The following ZBTB41 variants were observed in gnomAD, a reference collection of about 807,000 sequenced individuals.
The protein encoded by ZBTB41 is zinc finger and BTB domain-containing protein 41.
Under a neutral mutation model 87.6 loss-of-function variants are expected in ZBTB41, and 42 were observed. The ratio of observed to expected loss-of-function variants is 0.48; its 90% CI spans 0.37 to 0.62. The LOEUF (loss-of-function observed/expected upper bound fraction) is 0.62. ZBTB41 is among the 20% of genes least tolerant of loss of function. ZBTB41 has a pLI of 0.00. For missense variants in ZBTB41, 799 were observed against 1,078.9 expected (o/e 0.74, Z 3.63); for synonymous variants, 364 against 364.0 (o/e 1.00, Z 0.00).
In ZBTB41 at chr1:197,178,431, A is replaced by G. The variant is rs191957756; in HGVS notation, c.1758T>C (p.His586=). Residue 586 remains histidine (H), a synonymous_variant, in exon 7 of 11, where the codon CAT becomes CAC. Coordinates refer to ENST00000367405, the MANE Select transcript of ZBTB41 (RefSeq NM_194314.3). ...GTTTTACTTACCTATACGAACTTCC[A>G]TGACGAAAACTTTGCCCACAAATAC... ...LCSICGQSFR[H]GSSYRLHLRV... The G allele has an allele frequency of 5.6e-6, 9 of 1,607,476 alleles. No homozygotes were observed. The highest frequency in any genetic ancestry group is 2.7e-5 in the African/African-American group (2 of 74,640).
chr1:197,184,733 C>T (rs1196872189), intron 5 of ZBTB41, among the ~76,000 whole-genome samples: 2 of 152,104 alleles, frequency 1.3e-5, no homozygotes, highest in Admixed American at 1.3e-4. Flanking sequence ...GGATGATAAA[C>T]TATTTTATAG....
At chr1:197,192,194 G>A (rs953633830) in intron 2 of ZBTB41, among the ~76,000 whole-genome samples, 8 of 151,476 alleles carry the variant, frequency 5.3e-5, no homozygotes, top group East Asian at 1.9e-4. Context: ...GAAAACTGTT[G>A]GAAAATTCTC....
chr1:197,184,714 G>C (rs1176998650), intron 5 of ZBTB41, among the ~76,000 whole-genome samples: 1 of 152,090 alleles, frequency 6.6e-6, no homozygotes, highest in Non-Finnish European at 1.5e-5. Flanking sequence ...TCTGTAAAGT[G>C]AGTAGTTTGG....
chr1:197,177,210 G>C (rs1659629150), intron 7 of ZBTB41, among the ~76,000 whole-genome samples: 1 of 152,060 alleles, frequency 6.6e-6, no homozygotes, highest in South Asian at 2.1e-4. Context: ...TGGATCATGG[G>C]GGCAGTTTCC....
At chr1:197,179,819 A>G (rs1229351470) in intron 6 of ZBTB41, among the ~76,000 whole-genome samples, 1 of 152,152 alleles carries the variant, frequency 6.6e-6, no homozygotes, top group African/African-American at 2.4e-5. Flanking sequence ...AAATATCTTT[A>G]TGCAGCTGTA....
chr1:197,200,182 C>A lies in ZBTB41; in HGVS notation c.292G>T (p.Glu98Ter), dbSNP rs1660276363. 1 of 1,613,878 alleles carries A rather than the reference C, an allele frequency of 6.2e-7. No individual in the cohort carries two copies. Among genetic ancestry groups the A allele is most frequent in the Non-Finnish European group, 8.5e-7 (1 of 1,180,004 alleles). Residue 98 changes from glutamate (E) to a stop codon, truncating the protein, a stop_gained, in exon 2 of 11, where the codon GAA becomes TAA. Transcript: ENST00000367405. LOFTEE classifies it high-confidence loss of function. ...CDLLIIVEGK[E>*]FSAHKVVVAV... ...ACGACTACTTTATGTGCACTAAATT[C>A]TTTTCCTTCCACTATGATAAGTAAA...
chr1:197,194,119 A>G (rs897229490), intron 2 of ZBTB41, among the ~76,000 whole-genome samples: 2 of 152,048 alleles, frequency 1.3e-5, no homozygotes, highest in Non-Finnish European at 2.9e-5. Flanking sequence ...CCCGGGTTCA[A>G]GCGATTCTCC....
chr1:197,194,229 G>A (rs917411686), intron 2 of ZBTB41, among the ~76,000 whole-genome samples: 5 of 152,034 alleles, frequency 3.3e-5, no homozygotes, highest in Admixed American at 3.3e-4. Context: ...TATTGGTCAG[G>A]CTGGTCTCGA....
intron 8 of ZBTB41, among the ~76,000 whole-genome samples, chr1:197,175,431 A>AATATATATATATATATATAT (rs67302873): frequency 0.054 from 3,883 of 71,368 alleles, 430 homozygotes; most frequent in East Asian, 0.21. Context: ...AGGAATTTTA[A>AATATATATATATATATATAT]ATATATATAT....
intron 2 of ZBTB41, among the ~76,000 whole-genome samples, chr1:197,195,850 T>C (rs1249718069): frequency 6.6e-6 from 1 of 152,118 alleles, no homozygotes; most frequent in East Asian, 1.9e-4. Context: ...AGGAAAAATA[T>C]AACTGGAAGA....
At chr1:197,170,994 T>C (rs1310683317) in intron 10 of ZBTB41, among the ~76,000 whole-genome samples, 1 of 152,124 alleles carries the variant, frequency 6.6e-6, no homozygotes, top group Admixed American at 6.6e-5. Flanking sequence ...CTGTGAAATA[T>C]CCAGATATTG....
At chr1:197,178,341 A>C (rs61819118) in intron 7 of ZBTB41, 76 bp downstream of exon 7, 387,391 of 1,022,700 alleles carry the variant, frequency 0.38, 79,626 homozygotes, top group Non-Finnish European at 0.43. Flanking sequence ...AATTCAACAA[A>C]GTAATAAGAA....
chr1:197,175,089 A>G lies in ZBTB41; in HGVS notation c.1906T>C (p.Cys636Arg). ...TCCCTACGACCAAAACATTTTCCAC[A>G]TTCTTCACACTGATGAGCTTTTTCA... ...SGEKAHQCEE[C>R]GKCFGRRDHL... The change falls in exon 9 of 11, where the codon TGT becomes CGT. Residue 636 changes from cysteine (C) to arginine (R), a missense_variant. By Grantham distance (180) the Cys-to-Arg change is radical. Around this residue, in one of 5 missense-constraint regions of ZBTB41, gnomAD observed 198 missense variants for 358.4 expected, o/e 0.55. Transcript: ENST00000367405. 6.2e-7 allele frequency: 1 copy of G among 1,611,286 alleles called. No individual in the cohort carries two copies.
chr1:197,174,752 C>T (rs984818650), intron 9 of ZBTB41, among the ~76,000 whole-genome samples: 1 of 152,052 alleles, frequency 6.6e-6, no homozygotes, highest in African/African-American at 2.4e-5. Context: ...TCTCAAAGAG[C>T]CTCAGCAACC....
At chr1:197,169,168 T>C (rs181946346) in intron 10 of ZBTB41, among the ~76,000 whole-genome samples, 96 of 152,142 alleles carry the variant, frequency 6.3e-4, no homozygotes, top group Non-Finnish European at 1.1e-3. Context: ...AACTACTTAG[T>C]AGTATCTCCT....
chr1:197,180,438 T>C (rs1304681829), intron 6 of ZBTB41, among the ~76,000 whole-genome samples: 5 of 152,098 alleles, frequency 3.3e-5, no homozygotes, highest in Non-Finnish European at 7.4e-5. Context: ...ACCTAGTAAG[T>C]TTAAAGGATG....
chr1:197,194,153 G>A (rs1009225621), intron 2 of ZBTB41, among the ~76,000 whole-genome samples: 1 of 151,916 alleles, frequency 6.6e-6, no homozygotes, highest in African/African-American at 2.4e-5. Flanking sequence ...TGAGTAGCAG[G>A]GATTGCAGGC....
In ZBTB41 at chr1:197,199,360, G is replaced by A; in HGVS notation, c.1114C>T (p.Arg372Ter). The part of the protein sequence containing the change: ...QCPKCDKTFD[R>*]IGKYESHTRV... Reference sequence around the variant, plus strand: ...ACCAGTTTTCTTTTCTTACCTATTCGGTCAAATGTTTTATCACATTTAGGA... The same window carrying A: ...ACCAGTTTTCTTTTCTTACCTATTCAGTCAAATGTTTTATCACATTTAGGA... The change falls in exon 2 of 11, where the codon CGA becomes TGA. Residue 372 changes from arginine (R) to a stop codon, truncating the protein, a stop_gained. Transcript: ENST00000367405. LOFTEE classifies it high-confidence loss of function. 1.3e-6 allele frequency: 2 copies of A among 1,496,178 alleles called. No homozygotes were observed. Among genetic ancestry groups the A allele is most frequent in the South Asian group, 2.9e-5 (2 of 68,172 alleles). The allele number at this position is 1,496,178 out of a possible 1,614,324, so 92.7% of individuals were successfully genotyped here. A position where few individuals can be genotyped will look rare whatever the true frequency, so the allele number is the denominator to read the frequency against.
intron 7 of ZBTB41, 51 bp downstream of exon 7, chr1:197,178,366 A>C: frequency 3.3e-6 from 4 of 1,219,942 alleles, no homozygotes; most frequent in Non-Finnish European, 4.6e-6. Flanking sequence ...GAACTAAAAT[A>C]GAGATATAAT....
Sources: gnomAD v4.1 joint callset for allele counts (sites outside exome capture counted in the v4.1 genomes callset) on GRCh38, gnomAD v4.1.1 for gene constraint, gnomAD v4.1.1 regional missense constraint, MANE v1.5 for transcripts, NCBI Gene and HGNC (gene_info 2026-07-23, HGNC 2026-07-21) for gene names.